Variants in RSL24D1 observed in about 807,000 individuals in gnomAD.
RSL24D1 encodes probable ribosome biogenesis protein RLP24.
Under a neutral mutation model 26.2 loss-of-function variants are expected in RSL24D1, and 6 were observed. The observed-to-expected ratio is 0.23, with a 90% CI of 0.13 to 0.45. The LOEUF (loss-of-function observed/expected upper bound fraction) is 0.45. Among genes scored for constraint, RSL24D1 ranks in the 20% least tolerant of loss-of-function variants. The pLI is 0.99. For missense variants in RSL24D1, 176 were observed against 202.6 expected (o/e 0.87, Z 0.80); for synonymous variants, 61 against 59.1 (o/e 1.03, Z -0.15).
intron 1 of RSL24D1, among the ~76,000 whole-genome samples, chr15:55,196,055 G>T (rs969528135): frequency 6.6e-6 from 1 of 152,204 alleles, no homozygotes; most frequent in East Asian, 1.9e-4. Context: ...GATTCATTCT[G>T]TAATGACAGG....
At chr15:55,190,524 C>T (rs1242265351) in intron 3 of RSL24D1, among the ~76,000 whole-genome samples, 1 of 152,072 alleles carries the variant, frequency 6.6e-6, no homozygotes, top group Non-Finnish European at 1.5e-5. Context: ...GTAATGATGA[C>T]CTTAAGCACT....
chr15:55,193,392 T>C (rs1894320615), intron 1 of RSL24D1, among the ~76,000 whole-genome samples: 1 of 152,234 alleles, frequency 6.6e-6, no homozygotes, highest in Non-Finnish European at 1.5e-5. Context: ...AACTTACAAC[T>C]GATGATGCTT....
intron 5 of RSL24D1, 48 bp downstream of exon 5, chr15:55,183,267 C>T (rs1894189251): frequency 7.2e-7 from 1 of 1,380,312 alleles, no homozygotes; most frequent in Non-Finnish European, 1.0e-6. Context: ...TTAGTTGGTA[C>T]CCAAATACAC....
At chr15:55,194,907 C>T (rs1284232264) in intron 1 of RSL24D1, among the ~76,000 whole-genome samples, 2 of 150,848 alleles carry the variant, frequency 1.3e-5, no homozygotes, top group African/African-American at 4.9e-5. Flanking sequence ...CCTGTAGTCC[C>T]AGCTACTCAG....
chr15:55,182,787 T>G (rs1894182957), intron 5 of RSL24D1, among the ~76,000 whole-genome samples: 1 of 152,210 alleles, frequency 6.6e-6, no homozygotes, highest in Non-Finnish European at 1.5e-5. Context: ...AATTTGACCT[T>G]TACTAAGATT....
intron 3 of RSL24D1, among the ~76,000 whole-genome samples, chr15:55,190,617 A>C (rs774896805): frequency 3.3e-5 from 5 of 152,194 alleles, no homozygotes; most frequent in Non-Finnish European, 7.3e-5. Flanking sequence ...TGGTCTAAAC[A>C]TGTAAAGTGT....
At chr15:55,196,392 C>T (rs1310145016) in intron 1 of RSL24D1, 7 of 463,106 alleles carry the variant, frequency 1.5e-5, no homozygotes, top group African/African-American at 1.2e-4. Flanking sequence ...TTAAGCAATA[C>T]GGAACACTTC....
At chr15:55,182,970 G>T (rs1894185738) in intron 5 of RSL24D1, among the ~76,000 whole-genome samples, 1 of 152,116 alleles carries the variant, frequency 6.6e-6, no homozygotes, top group African/African-American at 2.4e-5. Context: ...AGTTCCCCAA[G>T]TTGGTAATTC....
Position 55,183,860 on chromosome 15 carries a change from G to A in RSL24D1, c.333-460C>T, listed in dbSNP as rs115667597. On this transcript the variant is annotated intron_variant, in intron 4 of 5. Transcript: ENST00000260443. ...TTGTACCTAGACTGGCACGAAATGG[G>A]AGCTCAATACATATTTGCTAAGTAA... Among the ~76,000 whole-genome samples, 884 of 152,192 alleles carry A rather than the reference G, an allele frequency of 5.8e-3. 9 individuals are homozygous for A. The highest frequency in any genetic ancestry group is 0.02 in the African/African-American group (827 of 41,512).
In RSL24D1 at chr15:55,190,908, C is replaced by A. The variant is rs879122274; in HGVS notation, c.268+67G>T. ...TCAATATTTAAACAACAAACTGACA[C>A]TTAAAGTTATAGTATTATCCCAAAC... is the stretch of plus-strand genomic sequence containing the variant. On this transcript the variant is annotated intron_variant, in intron 3 of 5. Coordinates refer to ENST00000260443, the MANE Select transcript of RSL24D1 (RefSeq NM_016304.3). The A allele has an allele frequency of 1.4e-5, 14 of 1,023,238 alleles. No individual in the cohort carries two copies. The South Asian group carries it at 1.6e-4, about 12-fold the overall frequency. The allele number at this position is 1,023,238 out of a possible 1,614,324, so 63.4% of individuals were successfully genotyped here. A position where few individuals can be genotyped will look rare whatever the true frequency, so the allele number is the denominator to read the frequency against.
At chr15:55,191,782 A>C (rs1458147423) in intron 2 of RSL24D1, among the ~76,000 whole-genome samples, 5 of 152,180 alleles carry the variant, frequency 3.3e-5, no homozygotes, top group Non-Finnish European at 7.3e-5. Flanking sequence ...TTTGGCTACT[A>C]TTTCTTTTAT....
At chr15:55,189,460 G>A (rs1894268464) in intron 3 of RSL24D1, among the ~76,000 whole-genome samples, 1 of 152,142 alleles carries the variant, frequency 6.6e-6, no homozygotes, top group African/African-American at 2.4e-5. Flanking sequence ...AATAATTAGG[G>A]CTAAGTACAG....
intron 3 of RSL24D1, among the ~76,000 whole-genome samples, chr15:55,188,567 A>ATGCCACAGGCAG (rs1242565019): frequency 2.0e-5 from 3 of 152,246 alleles, no homozygotes; most frequent in African/African-American, 7.2e-5. Flanking sequence ...TCATCTTTGT[A>ATGCCACAGGCAG]TGCCACAGGC....
chr15:55,184,987 G>A (rs556551877), intron 4 of RSL24D1, among the ~76,000 whole-genome samples: 4 of 152,264 alleles, frequency 2.6e-5, no homozygotes, highest in Admixed American at 6.5e-5. Flanking sequence ...ACTTTGTGTT[G>A]CTATGGACGT....
Position 55,181,916 on chromosome 15 carries a change from T to C in RSL24D1, c.*236A>G. ...ATTTTACGTCCACAATTCACTTCTA[T>C]AGTTACAAGTAGAATTTTCATGATT... On this transcript the variant is annotated 3_prime_UTR_variant, in exon 6 of 6. Coordinates refer to ENST00000260443, the MANE Select transcript of RSL24D1 (RefSeq NM_016304.3). 2.3e-6 allele frequency: 1 copy of C among 427,688 alleles called. No homozygotes were observed. Among genetic ancestry groups the C allele is most frequent in the African/African-American group, 2.0e-5 (1 of 50,486 alleles). The allele number at this position is 427,688 out of a possible 1,614,324, so 26.5% of individuals were successfully genotyped here.
In RSL24D1 at chr15:55,181,881, T is replaced by C. The variant is rs1402972356; in HGVS notation, c.*271A>G. 1 of 330,616 alleles carries C rather than the reference T, an allele frequency of 3.0e-6. No homozygotes were observed. The highest frequency in any genetic ancestry group is 5.5e-6 in the Non-Finnish European group (1 of 180,512). 20.5% of individuals were successfully genotyped at this position (330,616 alleles called of 1,614,324 possible). ...ATGCTGCCTAGTGCCATTATCCAAA[T>C]AGCACAACCATTTTACGTCCACAAT... On this transcript the variant is annotated 3_prime_UTR_variant, in exon 6 of 6. Transcript: ENST00000260443.
chr15:55,196,156 G>T (rs1437753255), intron 1 of RSL24D1, among the ~76,000 whole-genome samples: 1 of 152,052 alleles, frequency 6.6e-6, no homozygotes, highest in Non-Finnish European at 1.5e-5. Context: ...GTAGCCCTAC[G>T]CCCAAGGCTC....
intron 3 of RSL24D1, among the ~76,000 whole-genome samples, chr15:55,188,576 G>A (rs966360760): frequency 1.3e-5 from 2 of 152,160 alleles, no homozygotes; most frequent in Admixed American, 1.3e-4. Context: ...TATGCCACAG[G>A]CAGTGCTTAA....
intron 1 of RSL24D1, 125 bp downstream of exon 1, chr15:55,196,685 C>T (rs997232221): frequency 2.3e-6 from 2 of 870,842 alleles, no homozygotes; most frequent in African/African-American, 1.7e-5. Flanking sequence ...AAGCCACCCT[C>T]CCAGGGGAAC....
Sources: gnomAD v4.1 joint callset for allele counts (sites outside exome capture counted in the v4.1 genomes callset) on GRCh38, gnomAD v4.1.1 for gene constraint, MANE v1.5 for transcripts, NCBI Gene and HGNC (gene_info 2026-07-23, HGNC 2026-07-21) for gene names.